The following DYM variants were observed in gnomAD, a reference collection of about 807,000 sequenced individuals.
DYM encodes dyggve-Melchior-Clausen syndrome protein.
A neutral mutation model predicts 93.1 loss-of-function variants in DYM; 78 were observed. The ratio of observed to expected loss-of-function variants is 0.84; its 90% confidence interval spans 0.70 to 1.01. The LOEUF is 1.01. DYM is among the 50% of genes least tolerant of loss of function. The pLI, the probability that DYM is intolerant of heterozygous loss-of-function variation, is 0.00. For synonymous variants in DYM, 321 were observed against 319.7 expected, an observed-to-expected ratio of 1.00 and a Z score of -0.04; for missense variants, 789 against 845.0, an observed-to-expected ratio of 0.93 and a Z score of 0.82.
At chr18:49,421,229 T>A (rs1244310575) in intron 2 of DYM, among the ~76,000 whole-genome samples, 1 of 152,172 alleles carries the variant, frequency 6.6e-6, no homozygotes, top group Non-Finnish European at 1.5e-5. Context: ...CTGAGTAGCC[T>A]AACTGGGAGG....
intron 2 of DYM, among the ~76,000 whole-genome samples, chr18:49,401,975 G>A (rs375803789): frequency 1.3e-5 from 2 of 150,334 alleles, no homozygotes; most frequent in African/African-American, 2.5e-5. Flanking sequence ...GCAGTGAGCC[G>A]AGATGACACC....
chr18:49,090,532 T>G (rs1380328161), intron 17 of DYM, among the ~76,000 whole-genome samples: 1 of 152,240 alleles, frequency 6.6e-6, no homozygotes, highest in Non-Finnish European at 1.5e-5. Flanking sequence ...GTTTTGCTGT[T>G]GGGCTGGTGG....
At chr18:49,325,798 G>A (rs2146687983) in intron 8 of DYM, among the ~76,000 whole-genome samples, 1 of 152,294 alleles carries the variant, frequency 6.6e-6, no homozygotes, top group East Asian at 1.9e-4. Context: ...CCATGTTAGA[G>A]TACTGCACTC....
intron 6 of DYM, among the ~76,000 whole-genome samples, chr18:49,347,970 C>G (rs2064746793): frequency 6.6e-6 from 1 of 152,230 alleles, no homozygotes; most frequent in South Asian, 2.1e-4. Flanking sequence ...TTTCCACCAT[C>G]TGCTCTGGAA....
At chr18:49,081,756 T>G (rs1362853414) in intron 17 of DYM, among the ~76,000 whole-genome samples, 3 of 152,226 alleles carry the variant, frequency 2.0e-5, no homozygotes. Flanking sequence ...TCCACTATTT[T>G]CAGAGTTTAT....
At chr18:49,442,490 G>C (rs534760572) in intron 1 of DYM, among the ~76,000 whole-genome samples, 1 of 152,206 alleles carries the variant, frequency 6.6e-6, no homozygotes, top group Admixed American at 6.5e-5. Context: ...GGTCAAGGCT[G>C]CAATGAGCTG....
chr18:49,123,133 A>G lies in DYM; in HGVS notation c.1729-4207T>C, dbSNP rs1011798226. On this transcript the variant is annotated intron_variant, in intron 15 of 17. Coordinates refer to ENST00000675505, the MANE Select transcript of DYM (RefSeq NM_001353214.3). ...CTCAAAGTATTTTCAAAATTATTCT[A>G]TTAGTTTTTAATTTTATTTGGATAA... Among the ~76,000 whole-genome samples, 6 of 152,248 alleles carry G rather than the reference A, an allele frequency of 3.9e-5. No homozygotes were observed. In the East Asian group the frequency reaches 5.8e-4, roughly 15 times the overall value.
chr18:49,212,689 G>A (rs879417343), intron 13 of DYM, among the ~76,000 whole-genome samples: 2 of 151,968 alleles, frequency 1.3e-5, no homozygotes, highest in Admixed American at 1.3e-4. Context: ...TAGAGGCAGG[G>A]TCTCACTATA....
chr18:49,230,650 T>TA (rs1357080983), intron 13 of DYM, among the ~76,000 whole-genome samples: 1 of 152,206 alleles, frequency 6.6e-6, no homozygotes, highest in Non-Finnish European at 1.5e-5. Flanking sequence ...AAAGGCTTAT[T>TA]AGAGAAGAGT....
At chr18:49,362,967 C>T (rs112402194) in intron 6 of DYM, among the ~76,000 whole-genome samples, 194 bp downstream of exon 6, 174 of 152,266 alleles carry the variant, frequency 1.1e-3, no homozygotes, top group African/African-American at 4.0e-3. Flanking sequence ...CCCTTAACAA[C>T]GTAACATTTT....
At chr18:49,144,872 G>C (rs1178703486) in intron 15 of DYM, among the ~76,000 whole-genome samples, 1 of 151,712 alleles carries the variant, frequency 6.6e-6, no homozygotes, top group African/African-American at 2.4e-5. Flanking sequence ...TAGAGCAGGA[G>C]GACTGCTTGA....
At chr18:49,337,874 G>C (rs928091915) in intron 6 of DYM, among the ~76,000 whole-genome samples, 2 of 152,098 alleles carry the variant, frequency 1.3e-5, no homozygotes, top group African/African-American at 4.8e-5. Flanking sequence ...GGGCATTAAA[G>C]TGAAGAAACC....
In DYM at chr18:49,192,039, C is replaced by T. The variant is rs185864067; in HGVS notation, c.1625+17512G>A. Among the ~76,000 whole-genome samples, 26 of 151,506 alleles carry T rather than the reference C, an allele frequency of 1.7e-4. No individual in the cohort carries two copies. The East Asian group carries it at 1.9e-3, about 11-fold the overall frequency. Reference sequence around the variant, plus strand: ...GCAGCCTCAAACACCTGGGCTCAAGCGATCCTCCTGCCTCAGCCTCCTGGG... The same window carrying T: ...GCAGCCTCAAACACCTGGGCTCAAGTGATCCTCCTGCCTCAGCCTCCTGGG... On this transcript the variant is annotated intron_variant, in intron 14 of 17. Transcript: ENST00000675505.
intron 6 of DYM, among the ~76,000 whole-genome samples, chr18:49,344,266 T>G (rs1020057331): frequency 3.2e-4 from 48 of 152,258 alleles, no homozygotes; most frequent in African/African-American, 1.1e-3. Context: ...ATCCATCAAC[T>G]ACTGCTTCCT....
intron 13 of DYM, among the ~76,000 whole-genome samples, chr18:49,232,584 G>A (rs1436577791): frequency 6.8e-6 from 1 of 146,366 alleles, no homozygotes; most frequent in Admixed American, 6.9e-5. Flanking sequence ...TTACAGGCGT[G>A]AGCCACTGTG....
At chr18:49,407,418 T>C (rs1420868733) in intron 2 of DYM, among the ~76,000 whole-genome samples, 5 of 152,242 alleles carry the variant, frequency 3.3e-5, no homozygotes, top group African/African-American at 1.2e-4. Flanking sequence ...TGTTCATGGT[T>C]CTTCAAGCTG....
chr18:49,328,870 T>C (rs2063108584), intron 8 of DYM, among the ~76,000 whole-genome samples: 2 of 152,154 alleles, frequency 1.3e-5, no homozygotes, highest in Non-Finnish European at 2.9e-5. Flanking sequence ...TGGAAGACAG[T>C]GTGGCGATTC....
chr18:49,197,003 G>C (rs551558932), intron 14 of DYM, among the ~76,000 whole-genome samples: 28 of 152,308 alleles, frequency 1.8e-4, no homozygotes, highest in African/African-American at 6.3e-4. Flanking sequence ...GAATACAGCA[G>C]GTGAGGGGAA....
chr18:49,279,942 G>T (rs1342513542), intron 10 of DYM, among the ~76,000 whole-genome samples: 4 of 152,244 alleles, frequency 2.6e-5, no homozygotes, highest in East Asian at 3.9e-4. Context: ...TATTTATGCA[G>T]TATTTTATAT....
Sources: allele counts gnomAD v4.1 joint callset (sites outside exome capture counted in the v4.1 genomes callset), GRCh38; gene constraint gnomAD v4.1.1; transcripts MANE v1.5; gene names NCBI Gene and HGNC (gene_info 2026-07-23, HGNC 2026-07-21).